The following PTPRT variants were observed in gnomAD, a reference collection of about 807,000 sequenced individuals.
PTPRT encodes receptor-type tyrosine-protein phosphatase T.
A neutral mutation model predicts 176.8 loss-of-function variants in PTPRT; 56 were observed. The observed-to-expected ratio is 0.32, with a 90% CI of 0.26 to 0.40. The LOEUF (loss-of-function observed/expected upper bound fraction) is 0.40, where lower values mean the gene tolerates loss of function less well. Ranked by LOEUF, PTPRT falls within the 10% of genes least tolerant of loss-of-function variation. The probability of loss-of-function intolerance (pLI) is 1.00; values close to 1 mark genes in which losing one functional copy is unlikely to be tolerated. For missense variants in PTPRT, 1,540 were observed against 1,908.2 expected, an observed-to-expected ratio of 0.81 and a Z score of 3.60; for synonymous variants, 783 against 739.0, an observed-to-expected ratio of 1.06 and a Z score of -0.96.
chr20:43,118,812 A>T (rs941041537), intron 1 of PTPRT, among the ~76,000 whole-genome samples: 1 of 152,236 alleles, frequency 6.6e-6, no homozygotes, highest in African/African-American at 2.4e-5. Context: ...CACAGCTAGT[A>T]CATGGTAAAG....
At chr20:42,773,760 T>C (rs1435927489) in intron 4 of PTPRT, among the ~76,000 whole-genome samples, 1 of 152,242 alleles carries the variant, frequency 6.6e-6, no homozygotes, top group Non-Finnish European at 1.5e-5. Flanking sequence ...GGAAGCCTGT[T>C]CATGCCACAG....
chr20:42,113,317 G>A (rs181651820), intron 22 of PTPRT, among the ~76,000 whole-genome samples: 105 of 152,300 alleles, frequency 6.9e-4, no homozygotes, highest in African/African-American at 2.1e-3. Flanking sequence ...TGCCCGTGTC[G>A]CCAGTCACTC....
intron 16 of PTPRT, among the ~76,000 whole-genome samples, chr20:42,180,209 G>C (rs1489072460): frequency 6.6e-6 from 1 of 152,130 alleles, no homozygotes; most frequent in Admixed American, 6.5e-5. Context: ...AAATTTAGAG[G>C]AGAAGTCCAT....
intron 6 of PTPRT, among the ~76,000 whole-genome samples, chr20:42,678,513 C>T (rs1340538129): frequency 1.3e-5 from 2 of 152,042 alleles, no homozygotes; most frequent in African/African-American, 4.8e-5. Context: ...GTTGGCCAGG[C>T]TGGTCTTGAA....
chr20:42,927,989 C>G (rs1473338249), intron 1 of PTPRT, among the ~76,000 whole-genome samples: 2 of 152,180 alleles, frequency 1.3e-5, no homozygotes, highest in Admixed American at 6.5e-5. Flanking sequence ...AAGTCACATG[C>G]TATTGGCTGC....
rs563247198 is a variant in PTPRT, at chr20:42,702,792, T to G, written c.860-24633A>C. On this transcript the variant is annotated intron_variant, in intron 6 of 30. Transcript: ENST00000373187. ...TCCCTTAGAAAGTCAGTGGCAGAGC[T>G]AGAACCAGATCTTCTTGATTCAAAG... Among the ~76,000 whole-genome samples, 7 of 152,332 alleles carry G rather than the reference T, an allele frequency of 4.6e-5. No individual in the cohort carries two copies. In the East Asian group the frequency reaches 1.3e-3, roughly 29 times the overall value.
At chr20:42,378,956 G>A (rs1371373065) in intron 9 of PTPRT, among the ~76,000 whole-genome samples, 2 of 152,218 alleles carry the variant, frequency 1.3e-5, no homozygotes, top group African/African-American at 2.4e-5. Context: ...TGACAGGTGT[G>A]ACACTGACTC....
chr20:42,189,612 C>A (rs143232899), intron 16 of PTPRT, among the ~76,000 whole-genome samples: 4 of 152,100 alleles, frequency 2.6e-5, no homozygotes, highest in South Asian at 2.1e-4. Context: ...TAGGAGTCTA[C>A]AGAAAATATT....
At chr20:42,983,307 ATGAGT>A (rs1983382478) in intron 1 of PTPRT, among the ~76,000 whole-genome samples, 1 of 152,224 alleles carries the variant, frequency 6.6e-6, no homozygotes, top group South Asian at 2.1e-4. Context: ...AACAATGAAA[ATGAGT>A]TGAGAAGGGA....
At chr20:42,677,097 G>A (rs921661251) in intron 7 of PTPRT, among the ~76,000 whole-genome samples, 1 of 152,106 alleles carries the variant, frequency 6.6e-6, no homozygotes, top group East Asian at 1.9e-4. Flanking sequence ...AGCCTCCAGG[G>A]GATACAGAGG....
chr20:43,019,347 A>G (rs755323266), intron 1 of PTPRT, among the ~76,000 whole-genome samples: 98 of 152,304 alleles, frequency 6.4e-4, no homozygotes, highest in African/African-American at 2.2e-3. Context: ...GTGGCCGGGC[A>G]CAGTGGCTCA....
chr20:42,735,396 C>A (rs1172312787), intron 6 of PTPRT, among the ~76,000 whole-genome samples: 2 of 149,744 alleles, frequency 1.3e-5, no homozygotes, highest in Non-Finnish European at 3.0e-5. Flanking sequence ...CATGGCAGAA[C>A]CATGACTTAA....
At chr20:42,679,069 A>C (rs1431736383) in intron 6 of PTPRT, among the ~76,000 whole-genome samples, 1 of 152,186 alleles carries the variant, frequency 6.6e-6, no homozygotes, top group East Asian at 1.9e-4. Flanking sequence ...GTGCTGAGTT[A>C]TCGTGCATCT....
At chr20:42,202,850 G>A (rs1392655731) in intron 15 of PTPRT, among the ~76,000 whole-genome samples, 1 of 152,156 alleles carries the variant, frequency 6.6e-6, no homozygotes, top group South Asian at 2.1e-4. Flanking sequence ...CTTAGGCACA[G>A]ATCATTGGTT....
intron 6 of PTPRT, among the ~76,000 whole-genome samples, chr20:42,689,542 G>A (rs995031715): frequency 6.6e-6 from 1 of 152,204 alleles, no homozygotes; most frequent in Non-Finnish European, 1.5e-5. Flanking sequence ...CTGCAAGGGA[G>A]ATAAGGGAAA....
At chr20:42,368,296 G>A (rs971116854) in intron 9 of PTPRT, among the ~76,000 whole-genome samples, 1 of 152,142 alleles carries the variant, frequency 6.6e-6, no homozygotes, top group Non-Finnish European at 1.5e-5. Context: ...ACCCAGCATG[G>A]CCATCCCAAG....
chr20:42,302,998 G>C lies in PTPRT; in HGVS notation c.2139+12725C>G, dbSNP rs557271660. 4.2e-3 allele frequency among the ~76,000 whole-genome samples: 634 copies of C among 152,208 alleles called. 4 individuals are homozygous for C. The highest frequency in any genetic ancestry group is 7.4e-3 in the Non-Finnish European group (501 of 68,012). The stretch of plus-strand genomic sequence containing the variant: ...TATACTTCCCATTCCTCAACAATAG[G>C]ACTTTGAGGCTGTGTACAAACTATC... On this transcript the variant is annotated intron_variant, in intron 12 of 30. Coordinates refer to ENST00000373187, the MANE Select transcript of PTPRT (RefSeq NM_007050.6).
chr20:42,106,326 C>G (rs1050252545), intron 24 of PTPRT, among the ~76,000 whole-genome samples: 24 of 152,204 alleles, frequency 1.6e-4, no homozygotes, highest in African/African-American at 5.5e-4. Context: ...TGTGTTACAT[C>G]TCTTGAAATG....
At chr20:43,097,225 G>A (rs1239661166) in intron 1 of PTPRT, among the ~76,000 whole-genome samples, 1 of 152,186 alleles carries the variant, frequency 6.6e-6, no homozygotes, top group African/African-American at 2.4e-5. Flanking sequence ...CAGGATCAGA[G>A]AAACTCATGC....
Sources: allele counts gnomAD v4.1 joint callset (sites outside exome capture counted in the v4.1 genomes callset), GRCh38; gene constraint gnomAD v4.1.1; transcripts MANE v1.5; gene names NCBI Gene and HGNC (gene_info 2026-07-23, HGNC 2026-07-21).